The following JCAD variants were observed in gnomAD, a reference collection of about 807,000 sequenced individuals.
JCAD encodes the protein junctional cadherin 5-associated protein.
Under a neutral mutation model 98.0 loss-of-function variants are expected in JCAD, and 40 were observed. That is an observed-to-expected ratio of 0.41 (90% CI 0.32 to 0.53). JCAD has a LOEUF of 0.53. Ranked by LOEUF, JCAD falls within the 20% of genes least tolerant of loss-of-function variation. The probability of loss-of-function intolerance (pLI) is 0.31; values close to 1 mark genes in which losing one functional copy is unlikely to be tolerated. For missense variants in JCAD, 1,705 were observed against 1,738.1 expected, an observed-to-expected ratio of 0.98 and a Z score of 0.34; for synonymous variants, 691 against 682.3, an observed-to-expected ratio of 1.01 and a Z score of -0.20.
intron 1 of JCAD, among the ~76,000 whole-genome samples, chr10:30,075,434 C>T: frequency 6.6e-6 from 1 of 152,182 alleles, no homozygotes; most frequent in African/African-American, 2.4e-5. Context: ...TAGTCCAACT[C>T]TGTGGAATGG....
chr10:30,023,419 A>C (rs1836709229), intron 3 of JCAD, among the ~76,000 whole-genome samples: 1 of 152,234 alleles, frequency 6.6e-6, no homozygotes, highest in Non-Finnish European at 1.5e-5. Flanking sequence ...ATACAGTAAC[A>C]GGCTGTACAG....
intron 3 of JCAD, among the ~76,000 whole-genome samples, chr10:30,023,390 C>T (rs1209826927): frequency 6.6e-6 from 1 of 152,162 alleles, no homozygotes; most frequent in Non-Finnish European, 1.5e-5. Flanking sequence ...CATTGCGTTA[C>T]AATTGCCTGC....
intron 2 of JCAD, among the ~76,000 whole-genome samples, chr10:30,066,127 T>C (rs1027772105): frequency 1.1e-4 from 16 of 152,180 alleles, no homozygotes; most frequent in African/African-American, 3.9e-4. Context: ...GTGAACGTCA[T>C]TGTATGATGA....
At chr10:30,102,633 C>G (rs925599059) in intron 1 of JCAD, among the ~76,000 whole-genome samples, 1 of 152,256 alleles carries the variant, frequency 6.6e-6, no homozygotes, top group Non-Finnish European at 1.5e-5. Flanking sequence ...CCATGCTACT[C>G]TCTGCTTCTA....
At position 30,027,007 on chromosome 10, in the gene JCAD, G is replaced by A. The variant is rs780101705; in HGVS notation, c.3141C>T (p.Asp1047=). The change falls in exon 3 of 4, where the codon GAC becomes GAT. Residue 1047 remains aspartate (D), a synonymous_variant. Coordinates refer to ENST00000375377, the MANE Select transcript of JCAD (RefSeq NM_020848.4). ...SNKNRGLSAP[D]LRSVGLTPGQ... ...CAGGGGTGAGCCCCACAGACCGTAA[G>A]TCTGGAGCTGAGAGCCCTCGGTTCT... 2.5e-6 allele frequency: 4 copies of A among 1,614,090 alleles called. No individual in the cohort carries two copies. The highest frequency in any genetic ancestry group is 1.7e-5 in the Admixed American group (1 of 60,010).
At chr10:30,063,558 G>A (rs1266917996), upstream of JCAD, among the ~76,000 whole-genome samples, 1 of 151,916 alleles carries the variant, frequency 6.6e-6, no homozygotes, top group Non-Finnish European at 1.5e-5. Flanking sequence ...GTTTTTCTTA[G>A]TCTGTAAAGA....
chr10:30,062,762 T>A (rs990535255), upstream of JCAD, among the ~76,000 whole-genome samples: 1 of 152,022 alleles, frequency 6.6e-6, no homozygotes, highest in Non-Finnish European at 1.5e-5. Flanking sequence ...TTATTCACTA[T>A]CACAAGAACG....
rs1262702312 is a variant in JCAD at position 30,047,573 on chromosome 10, C to T, written c.240G>A (p.Gly80=). 2 of 1,614,064 alleles carry T rather than the reference C, an allele frequency of 1.2e-6. No homozygotes were observed. Among genetic ancestry groups the T allele is most frequent in the East Asian group, 2.2e-5 (1 of 44,860 alleles). Residue 80 remains glycine, a synonymous_variant, in exon 2 of 4, where the codon GGG becomes GGA. Transcript: ENST00000375377. ...TGGAAGCAGAAGTGCTCTGGGGCTC[C>T]CCGTGGCCTCTCGGTGTGCTGCGGC... ...ESRRSTPRGH[G]EPQSTSASRT...
chr10:30,030,749 G>A (rs1365316025), intron 2 of JCAD, among the ~76,000 whole-genome samples: 12 of 152,068 alleles, frequency 7.9e-5, no homozygotes, highest in Admixed American at 7.9e-4. Flanking sequence ...TGATGCTGAT[G>A]CTGCTGGTCC....
chr10:30,092,098 T>TTAAATATATAAATATATATATATA (rs11268260), intron 1 of JCAD, among the ~76,000 whole-genome samples: 1 of 44,598 alleles, frequency 2.2e-5, no homozygotes, highest in Non-Finnish European at 3.5e-5. Flanking sequence ...TAAAGTTACT[T>TTAAATATATAAATATATATATATA]TATATATATA....
intron 1 of JCAD, among the ~76,000 whole-genome samples, chr10:30,111,851 A>G (rs946485411): frequency 1.3e-5 from 2 of 152,176 alleles, no homozygotes; most frequent in African/African-American, 2.4e-5. Context: ...ACCTTCCTAC[A>G]GTGCTGGTGG....
chr10:30,076,564 T>A (rs1389387589), intron 1 of JCAD, among the ~76,000 whole-genome samples: 1 of 152,200 alleles, frequency 6.6e-6, no homozygotes, highest in Non-Finnish European at 1.5e-5. Flanking sequence ...CACACTCAGC[T>A]AGATATAGAA....
chr10:30,092,291 A>G (rs1476317046), intron 1 of JCAD, among the ~76,000 whole-genome samples: 1 of 151,028 alleles, frequency 6.6e-6, no homozygotes, highest in African/African-American at 2.4e-5. Context: ...GTCGCTGTGC[A>G]CCGGGACCCA....
chr10:30,040,162 A>T (rs991925049), intron 2 of JCAD, among the ~76,000 whole-genome samples: 27 of 152,332 alleles, frequency 1.8e-4, no homozygotes, highest in African/African-American at 6.5e-4. Context: ...TGTAATCAAC[A>T]GGCCTTCACA....
chr10:30,102,552 A>G (rs1327344561), intron 1 of JCAD, among the ~76,000 whole-genome samples: 1 of 152,194 alleles, frequency 6.6e-6, no homozygotes, highest in Non-Finnish European at 1.5e-5. Context: ...GAACTTACTC[A>G]TCTTGCAAAA....
chr10:30,028,323 G>T lies in JCAD; in HGVS notation c.1825C>A (p.Gln609Lys), dbSNP rs754224516. The T allele has an allele frequency of 6.2e-7, 1 of 1,614,164 alleles. No individual in the cohort carries two copies. Among genetic ancestry groups the T allele is most frequent in the Non-Finnish European group, 8.5e-7 (1 of 1,180,040 alleles). The change falls in exon 3 of 4, where the codon CAA becomes AAA. Residue 609 changes from glutamine (Q) to lysine (K), a missense_variant. Transcript: ENST00000375377. ...GGGCTCTTATCAGACCCATTCTTTT[G>T]ATCAGCACTGGGCTTTAAGTCATTG... ...DNNDLKPSAD[Q>K]KNGSDKSPAL...
chr10:30,073,446 T>C (rs1235654796), intron 1 of JCAD, among the ~76,000 whole-genome samples: 3 of 152,214 alleles, frequency 2.0e-5, no homozygotes, highest in Non-Finnish European at 4.4e-5. Context: ...TCGAACATCA[T>C]GGCACTCTAC....
In JCAD at chr10:30,064,702, C is replaced by T. The variant is rs376542127; in HGVS notation, n.250+4998G>A. On this transcript the variant is annotated intron_variant and non_coding_transcript_variant, in intron 2 of 2. Transcript: ENST00000465712. Reference sequence around the variant, plus strand: ...TTTTTTTTCTTTTGAGATGGAGTCTCGCTCTATCACCCAGGCTAGAGTGCA... The same window carrying T: ...TTTTTTTTCTTTTGAGATGGAGTCTTGCTCTATCACCCAGGCTAGAGTGCA... Among the ~76,000 whole-genome samples the T allele has an allele frequency of 9.9e-5, 15 of 151,516 alleles. No homozygotes were observed. The East Asian group carries it at 1.9e-3, about 20-fold the overall frequency.
chr10:30,083,928 G>A (rs1230657808), intron 1 of JCAD, among the ~76,000 whole-genome samples: 1 of 151,898 alleles, frequency 6.6e-6, no homozygotes, highest in African/African-American at 2.4e-5. Flanking sequence ...AGGTTGAGGT[G>A]GGAGGATAGC....
Sources: allele counts gnomAD v4.1 joint callset (sites outside exome capture counted in the v4.1 genomes callset), GRCh38; gene constraint gnomAD v4.1.1; transcripts MANE v1.5; gene names NCBI Gene and HGNC (gene_info 2026-07-23, HGNC 2026-07-21).